The following PLXNB1 variants were observed in gnomAD, a reference collection of about 807,000 sequenced individuals.
PLXNB1 encodes the protein plexin-B1.
PLXNB1 carries 106 observed loss-of-function variants against 209.4 expected under a neutral mutation model. The observed-to-expected ratio is 0.51, with a 90% CI of 0.43 to 0.59. The LOEUF (loss-of-function observed/expected upper bound fraction) is 0.59, where lower values mean the gene tolerates loss of function less well. Ranked by LOEUF, PLXNB1 falls within the 20% of genes least tolerant of loss-of-function variation. The pLI is 0.00. For synonymous variants in PLXNB1, 1,167 were observed against 1,183.2 expected (o/e 0.99, Z 0.28); for missense variants, 2,357 against 2,853.2 (o/e 0.83, Z 3.96).
Position 48,416,193 on chromosome 3 carries a change from G to T in PLXNB1, c.3481-26C>A. ...CTGTGGGACAGACAGGGAGAGAGAT[G>T]AGCATCAGACCAGACACATGGAGGC... On this transcript the variant is annotated intron_variant, in intron 17 of 37. Coordinates refer to ENST00000296440, the MANE Select transcript of PLXNB1 (RefSeq NM_001130082.3). The surrounding 1 kb of genome is among the most constrained non-coding windows in gnomAD (Gnocchi z 4.1). The T allele has an allele frequency of 6.3e-7, 1 of 1,595,288 alleles. No homozygotes were observed. Among genetic ancestry groups the T allele is most frequent in the Non-Finnish European group, 8.5e-7 (1 of 1,170,944 alleles).
rs189965149 is a variant in PLXNB1, at chr3:48,412,552, G to A, written c.4923C>T (p.Leu1641=). 4.9e-5 allele frequency: 79 copies of A among 1,613,660 alleles called. No individual in the cohort carries two copies. The Middle Eastern group carries it at 4.9e-4, about 10-fold the overall frequency. ...CAAGCTTCCCATGCAGTGCCACGGT[G>A]AGCAGAGATGCCACGTAGGCACGGT... The part of the protein sequence containing the change: ...ARDRAYVASL[L]TVALHGKLEY... The change falls in exon 26 of 38, where the codon CTC becomes CTT. Residue 1641 remains leucine (L), a synonymous_variant. Transcript: ENST00000296440.
chr3:48,418,476 G>A lies in PLXNB1; in HGVS notation c.3022C>T (p.Arg1008Cys), dbSNP rs1402214759. The part of the protein sequence containing the change: ...GLFLRRAGRL[R>C]VDSAEGLHVV... ...TGCAGCCCCTCAGCACTGTCCACAC[G>A]CAGACGGCCGGCCCGACGCAGAAAC... Residue 1008 changes from arginine (R) to cysteine (C), a missense_variant, in exon 14 of 38, where the codon CGT (arginine) becomes TGT (cysteine). Physicochemically the swap from Arg to Cys is radical, Grantham distance 180 (BLOSUM62 -3). This residue lies in a region of PLXNB1 where 743 missense variants were observed against 896.2 expected (regional missense o/e 0.83). Coordinates refer to ENST00000296440, the MANE Select transcript of PLXNB1 (RefSeq NM_001130082.3). This position sits in a 1 kb window ranked among gnomAD's most constrained non-coding sequence, Gnocchi z 6.6. 7 of 1,612,838 alleles carry A rather than the reference G, an allele frequency of 4.3e-6. No homozygotes were observed. Among genetic ancestry groups the A allele is most frequent in the South Asian group, 2.2e-5 (2 of 90,988 alleles).
chr3:48,415,351 A>T lies in PLXNB1; in HGVS notation c.3795-4T>A. ...GACGCATATCTCACGTCCTCCACTGAAACAGACCGTGAGCTTACGTAACGT... is the reference window on the plus strand; with the variant it reads ...GACGCATATCTCACGTCCTCCACTGTAACAGACCGTGAGCTTACGTAACGT... On this transcript the variant is annotated splice_region_variant and splice_polypyrimidine_tract_variant and intron_variant, in intron 19 of 37. Transcript: ENST00000296440. The surrounding 1 kb of genome is among the most constrained non-coding windows in gnomAD (Gnocchi z 5.0). 6.2e-7 allele frequency: 1 copy of T among 1,612,248 alleles called. No homozygotes were observed. Among genetic ancestry groups the T allele is most frequent in the Non-Finnish European group, 8.5e-7 (1 of 1,179,028 alleles).
Position 48,410,832 on chromosome 3 carries a change from G to A in PLXNB1, c.5416+36C>T, listed in dbSNP as rs2037632812. 8 of 1,584,220 alleles carry A rather than the reference G, an allele frequency of 5.0e-6. No individual in the cohort carries two copies. The highest frequency in any genetic ancestry group is 6.9e-6 in the Non-Finnish European group (8 of 1,164,366). On this transcript the variant is annotated intron_variant, in intron 29 of 37. Coordinates refer to ENST00000296440, the MANE Select transcript of PLXNB1 (RefSeq NM_001130082.3). This position sits in a 1 kb window ranked among gnomAD's most constrained non-coding sequence, Gnocchi z 6.4. ...GTCCGGGGCCAGCCCAGGCCCAACAGTGGCTCAGGTCCCCAGGGGCTCTCC... is the reference window on the plus strand; with the variant it reads ...GTCCGGGGCCAGCCCAGGCCCAACAATGGCTCAGGTCCCCAGGGGCTCTCC...
chr3:48,410,104 C>T lies in PLXNB1; in HGVS notation c.5606-27G>A, dbSNP rs754099939. On this transcript the variant is annotated intron_variant, in intron 31 of 37. Coordinates refer to ENST00000296440, the MANE Select transcript of PLXNB1 (RefSeq NM_001130082.3). The surrounding 1 kb of genome is among the most constrained non-coding windows in gnomAD (Gnocchi z 6.4). Reference sequence around the variant, plus strand: ...TGTGCCAAGAGCCCACAGCTGTCACCCCTCCCCAGGTGCCACCTCCCCAGG... The same window carrying T: ...TGTGCCAAGAGCCCACAGCTGTCACTCCTCCCCAGGTGCCACCTCCCCAGG... 3.2e-6 allele frequency: 5 copies of T among 1,551,304 alleles called. No individual in the cohort carries two copies. The highest frequency in any genetic ancestry group is 1.7e-4 in the Middle Eastern group (1 of 5,796).
Position 48,415,331 on chromosome 3 carries a change from A to C in PLXNB1, c.3811T>G (p.Cys1271Gly), listed in dbSNP as rs532773707. 156 of 1,613,428 alleles carry C rather than the reference A, an allele frequency of 9.7e-5. 2 individuals are homozygous for C. The South Asian group carries it at 1.4e-3, about 14-fold the overall frequency. The change falls in exon 20 of 38, where the codon TGC becomes GGC. Residue 1271 changes from cysteine to glycine, a missense_variant. Physicochemically the swap from Cys to Gly is radical, Grantham distance 159. This residue lies in a region of PLXNB1 where 743 missense variants were observed against 896.2 expected (regional missense o/e 0.83). Transcript: ENST00000296440. This position sits in a 1 kb window ranked among gnomAD's most constrained non-coding sequence, Gnocchi z 5.0. ...ACGTCCAGATTCTGGCCACGGACGC[A>C]TATCTCACGTCCTCCACTGAAACAG... ...KSFLSGGREI[C>G]VRGQNLDVVQ...
At chr3:48,404,827 T>C (rs1462311229) in intron 37 of PLXNB1, among the ~76,000 whole-genome samples, 2 of 152,042 alleles carry the variant, frequency 1.3e-5, no homozygotes, top group Non-Finnish European at 2.9e-5. Context: ...CCTGACTCAG[T>C]AGCGAGCTCC....
intron 34 of PLXNB1, among the ~76,000 whole-genome samples, chr3:48,408,165 C>G (rs896229456): frequency 1.3e-5 from 2 of 152,132 alleles, no homozygotes; most frequent in Admixed American, 6.5e-5. Context: ...CACACACCAC[C>G]ACTCCTGGCT....
Position 48,409,269 on chromosome 3 carries a change from T to C in PLXNB1, c.6087+60A>G. The stretch of plus-strand genomic sequence containing the variant: ...TTCTCAGAAAAGCCTGGAATCTGAG[T>C]GCACACACAGCACTGTCCACCCTCA... On this transcript the variant is annotated intron_variant, in intron 34 of 37. Transcript: ENST00000296440. This position sits in a 1 kb window ranked among gnomAD's most constrained non-coding sequence, Gnocchi z 5.8. 17 of 1,582,764 alleles carry C rather than the reference T, an allele frequency of 1.1e-5. No individual in the cohort carries two copies. Among genetic ancestry groups the C allele is most frequent in the Non-Finnish European group, 1.5e-5 (17 of 1,160,654 alleles).
rs1445207248 is a variant in PLXNB1 at position 48,421,684 on chromosome 3, T to G, written c.1643A>C (p.Glu548Ala). 7 of 1,600,760 alleles carry G rather than the reference T, an allele frequency of 4.4e-6. No homozygotes were observed. In the South Asian group the frequency reaches 6.6e-5, roughly 15 times the overall value. The change falls in exon 7 of 38, where the codon GAG (glutamate) becomes GCG (alanine). Residue 548 changes from glutamate (E) to alanine (A), a missense_variant. Coordinates refer to ENST00000296440, the MANE Select transcript of PLXNB1 (RefSeq NM_001130082.3). ...TATCTGATCATTCACCTCCCTCGTC[T>G]CCTCTCGGCTGATGTTGGCAGGACT... is the stretch of plus-strand genomic sequence containing the variant. The part of the protein sequence containing the change: ...AMSPANISRE[E>A]TREVFLSVPD...
In PLXNB1 at chr3:48,422,756, T is replaced by G. The variant is rs1007746311; in HGVS notation, c.1290+9A>C. On this transcript the variant is annotated intron_variant, in intron 4 of 37. Transcript: ENST00000296440. ...CTGGGGCAGGGGCCAGTACTTCCTG[T>G]GGGCTCACCCTGTGCAGCTGCCCTT... The G allele has an allele frequency of 6.2e-7, 1 of 1,611,984 alleles. No individual in the cohort carries two copies. The highest frequency in any genetic ancestry group is 1.7e-5 in the Admixed American group (1 of 59,856).
chr3:48,409,256 C>T lies in PLXNB1; in HGVS notation c.6087+73G>A. The T allele has an allele frequency of 6.4e-7, 1 of 1,555,520 alleles. No individual in the cohort carries two copies. The highest frequency in any genetic ancestry group is 8.8e-7 in the Non-Finnish European group (1 of 1,141,272). On this transcript the variant is annotated intron_variant, in intron 34 of 37. Transcript: ENST00000296440. This position sits in a 1 kb window ranked among gnomAD's most constrained non-coding sequence, Gnocchi z 5.8. ...GCCCTCCTTGAAGTTCTCAGAAAAG[C>T]CTGGAATCTGAGTGCACACACAGCA...
At position 48,429,062 on chromosome 3, in the gene PLXNB1, A is replaced by AGTCT. The variant is rs1319353425; in HGVS notation, c.-60+942_-60+945dup. 6.6e-6 allele frequency among the ~76,000 whole-genome samples: 1 copy of AGTCT among 152,182 alleles called. No homozygotes were observed. Among genetic ancestry groups the AGTCT allele is most frequent in the East Asian group, 1.9e-4 (1 of 5,180 alleles). On this transcript the variant is annotated intron_variant, in intron 1 of 37. Coordinates refer to ENST00000296440, the MANE Select transcript of PLXNB1 (RefSeq NM_001130082.3). The surrounding 1 kb of genome is among the most constrained non-coding windows in gnomAD (Gnocchi z 6.4). ...CGCGGAGGAGCAGCTCCACCTCCTC[A>AGTCT]GTCTCCCAATCGCGTTCCAGGCGGA...
At position 48,415,349 on chromosome 3, in the gene PLXNB1, T is replaced by C. The variant is rs372717446; in HGVS notation, c.3795-2A>G. On this transcript the variant is annotated splice_acceptor_variant, in intron 19 of 37. Coordinates refer to ENST00000296440, the MANE Select transcript of PLXNB1 (RefSeq NM_001130082.3). LOFTEE classifies it high-confidence loss of function. The surrounding 1 kb of genome is among the most constrained non-coding windows in gnomAD (Gnocchi z 5.0). ...CGGACGCATATCTCACGTCCTCCAC[T>C]GAAACAGACCGTGAGCTTACGTAAC... 1 of 1,612,164 alleles carries C rather than the reference T, an allele frequency of 6.2e-7. No homozygotes were observed. Among genetic ancestry groups the C allele is most frequent in the Non-Finnish European group, 8.5e-7 (1 of 1,179,062 alleles).
Position 48,423,745 on chromosome 3 carries a change from A to G in PLXNB1, c.867T>C (p.His289=). The G allele has an allele frequency of 3.1e-6, 5 of 1,613,820 alleles. No homozygotes were observed. Among genetic ancestry groups the G allele is most frequent in the Non-Finnish European group, 4.2e-6 (5 of 1,179,950 alleles). Residue 289 remains histidine, a synonymous_variant, in exon 3 of 38, where the codon CAT becomes CAC. Coordinates refer to ENST00000296440, the MANE Select transcript of PLXNB1 (RefSeq NM_001130082.3). Reference sequence around the variant, plus strand: ...AGAAAGCTGCAAAGAGCACCTCCCCATGCGCCACCTCCCTGGACGTGGCCA... The same window carrying G: ...AGAAAGCTGCAAAGAGCACCTCCCCGTGCGCCACCTCCCTGGACGTGGCCA... The part of the protein sequence containing the change: ...AAVATSREVA[H]GEVLFAAFSS...
rs894293892 is a variant in PLXNB1, at chr3:48,404,322, G to A, written c.*164C>T. On this transcript the variant is annotated 3_prime_UTR_variant, in exon 38 of 38. Transcript: ENST00000296440. ...CCTTGAGGCCCCGGGTCTAGGAGGT[G>A]GATCCAGCAGGGCCGAGGCCAGAGC... is the stretch of plus-strand genomic sequence containing the variant. The A allele has an allele frequency of 4.8e-5, 28 of 586,636 alleles. No homozygotes were observed. Among genetic ancestry groups the A allele is most frequent in the Non-Finnish European group, 7.2e-5 (24 of 331,156 alleles). The allele number at this position is 586,636 out of a possible 1,614,324, so 36.3% of individuals were successfully genotyped here. A position where few individuals can be genotyped will look rare whatever the true frequency, so the allele number is the denominator to read the frequency against.
rs562473597 is a variant in PLXNB1, at chr3:48,421,037, T to A, written c.1811-81A>T. On this transcript the variant is annotated intron_variant, in intron 8 of 37. Transcript: ENST00000296440. The stretch of plus-strand genomic sequence containing the variant: ...AGAGCCGATATCCTGAGCCCTTGAA[T>A]GGGGAAGAGGACCCGGGATGAGGGA... 230 of 1,349,194 alleles carry A rather than the reference T, an allele frequency of 1.7e-4. 7 individuals are homozygous for A. The South Asian group carries it at 2.6e-3, about 15-fold the overall frequency. The allele number at this position is 1,349,194 out of a possible 1,614,324, so 83.6% of individuals were successfully genotyped here.
rs1465577383 is a variant in PLXNB1 at position 48,413,638 on chromosome 3, G to T, written c.4535+32C>A. 37 of 1,582,562 alleles carry T rather than the reference G, an allele frequency of 2.3e-5. No homozygotes were observed. The highest frequency in any genetic ancestry group is 3.2e-5 in the Non-Finnish European group (37 of 1,159,086). On this transcript the variant is annotated intron_variant, in intron 23 of 37. Coordinates refer to ENST00000296440, the MANE Select transcript of PLXNB1 (RefSeq NM_001130082.3). This position sits in a 1 kb window ranked among gnomAD's most constrained non-coding sequence, Gnocchi z 5.4. ...CCAGTCCAGCCAGATCCCACGACCTGCCCCAGCCCAGCCACATCTGGCTGC... is the reference window on the plus strand; with the variant it reads ...CCAGTCCAGCCAGATCCCACGACCTTCCCCAGCCCAGCCACATCTGGCTGC...
intron 1 of PLXNB1, among the ~76,000 whole-genome samples, chr3:48,426,983 G>A (rs1025727972): frequency 2.0e-5 from 3 of 152,154 alleles, no homozygotes; most frequent in Non-Finnish European, 2.9e-5. Flanking sequence ...TCCTGCCACC[G>A]CATGCCAGGG....
Sources: allele counts gnomAD v4.1 joint callset (sites outside exome capture counted in the v4.1 genomes callset), GRCh38; gene constraint gnomAD v4.1.1; regional missense constraint gnomAD v4.1.1; non-coding constraint Gnocchi (gnomAD v3.1); transcripts MANE v1.5; gene names NCBI Gene and HGNC (gene_info 2026-07-23, HGNC 2026-07-21).